Variants in HS3ST4 observed in about 807,000 individuals in gnomAD.
HS3ST4 encodes the protein heparan sulfate glucosamine 3-O-sulfotransferase 4.
Under a neutral mutation model 29.2 loss-of-function variants are expected in HS3ST4, and 17 were observed. The ratio of observed to expected loss-of-function variants is 0.58; its 90% CI spans 0.40 to 0.87. The LOEUF (loss-of-function observed/expected upper bound fraction) is 0.87, where lower values mean the gene tolerates loss of function less well. Among genes scored for constraint, HS3ST4 ranks in the 40% least tolerant of loss-of-function variants. HS3ST4 has a pLI of 0.00. For missense variants in HS3ST4, 627 were observed against 634.5 expected, an observed-to-expected ratio of 0.99 and a Z score of 0.13; for synonymous variants, 314 against 285.7, an observed-to-expected ratio of 1.10 and a Z score of -1.00.
intron 1 of HS3ST4, among the ~76,000 whole-genome samples, chr16:25,997,918 A>G (rs1342321976): frequency 2.6e-5 from 4 of 152,270 alleles, no homozygotes; most frequent in Admixed American, 2.0e-4. Flanking sequence ...GTCTTCCTCC[A>G]GATATCTTTT....
rs187782516 is a variant in HS3ST4, at chr16:25,711,222, C to T, written c.734+18071C>T. Among the ~76,000 whole-genome samples, 225 of 152,190 alleles carry T rather than the reference C, an allele frequency of 1.5e-3. 3 individuals are homozygous for T. Among genetic ancestry groups the T allele is most frequent in the Non-Finnish European group, 1.6e-3 (108 of 68,000 alleles). ...GTCGTTTGGTTTAAAGGTCTCAGCACGTTGGGTAACTTCAGAGAGAGGTAC... is the reference window on the plus strand; with the variant it reads ...GTCGTTTGGTTTAAAGGTCTCAGCATGTTGGGTAACTTCAGAGAGAGGTAC... On this transcript the variant is annotated intron_variant, in intron 1 of 1. Coordinates refer to ENST00000331351, the MANE Select transcript of HS3ST4 (RefSeq NM_006040.3).
intron 1 of HS3ST4, among the ~76,000 whole-genome samples, chr16:26,110,111 T>C (rs1899109463): frequency 6.6e-6 from 1 of 152,186 alleles, no homozygotes; most frequent in Non-Finnish European, 1.5e-5. Flanking sequence ...AATTCAGTTT[T>C]TTTTAGATTC....
chr16:25,900,348 CA>C (rs1378965314), intron 1 of HS3ST4, among the ~76,000 whole-genome samples: 6 of 150,484 alleles, frequency 4.0e-5, no homozygotes, highest in African/African-American at 1.5e-4. Flanking sequence ...GGAGGATTTG[CA>C]AAAAATGCTT....
intron 1 of HS3ST4, among the ~76,000 whole-genome samples, chr16:26,076,915 T>C (rs56295969): frequency 0.025 from 3,767 of 152,330 alleles, 85 homozygotes; most frequent in Non-Finnish European, 0.035. Context: ...AGTCTTGACA[T>C]TACTATTCTG....
chr16:25,788,264 A>G (rs1476607856), intron 1 of HS3ST4, among the ~76,000 whole-genome samples: 1 of 151,984 alleles, frequency 6.6e-6, no homozygotes, highest in Non-Finnish European at 1.5e-5. Context: ...AATACAAAAA[A>G]AATAGCTGTG....
chr16:26,080,416 G>A (rs1898711693), intron 1 of HS3ST4, among the ~76,000 whole-genome samples: 1 of 152,084 alleles, frequency 6.6e-6, no homozygotes, highest in African/African-American at 2.4e-5. Context: ...AAGTTTTAGG[G>A]ACCTGACTTA....
intron 1 of HS3ST4, among the ~76,000 whole-genome samples, chr16:26,058,973 C>T (rs540748322): frequency 2.0e-5 from 3 of 152,248 alleles, no homozygotes; most frequent in African/African-American, 7.2e-5. Context: ...AAGGTGGGTT[C>T]TGGCTTTGAA....
intron 1 of HS3ST4, among the ~76,000 whole-genome samples, chr16:26,081,287 CAAA>C (rs11305983): frequency 2.3e-5 from 3 of 131,054 alleles, no homozygotes; most frequent in Non-Finnish European, 3.3e-5. Context: ...AATCCTGTCT[CAAA>C]AAAAAAAAAA....
chr16:26,062,956 A>G, intron 1 of HS3ST4: 1 of 200,870 alleles, frequency 5.0e-6, no homozygotes, highest in Admixed American at 4.7e-5. Flanking sequence ...TTTAGAGCCC[A>G]ATCCAACAGC....
intron 1 of HS3ST4, among the ~76,000 whole-genome samples, chr16:26,119,104 A>C (rs1197847100): frequency 1.3e-5 from 2 of 152,252 alleles, no homozygotes; most frequent in African/African-American, 4.8e-5. Context: ...GAGGTTAAGT[A>C]ATGTCCCAGA....
Position 25,779,602 on chromosome 16 carries a change from G to A in HS3ST4, c.734+86451G>A, listed in dbSNP as rs181138962. ...CTAACCTCAAAAGTGTCCCTTGTAG[G>A]AGAAAACATTTCCTGTGCTAAAGAC... is the stretch of plus-strand genomic sequence containing the variant. On this transcript the variant is annotated intron_variant, in intron 1 of 1. Transcript: ENST00000331351. Among the ~76,000 whole-genome samples the A allele has an allele frequency of 1.4e-3, 215 of 152,270 alleles. 2 individuals are homozygous for A. Among genetic ancestry groups the A allele is most frequent in the Non-Finnish European group, 2.0e-3 (135 of 68,024 alleles).
chr16:26,001,863 G>T (rs540080133), intron 1 of HS3ST4, among the ~76,000 whole-genome samples: 4 of 152,068 alleles, frequency 2.6e-5, no homozygotes, highest in Non-Finnish European at 5.9e-5. Flanking sequence ...AATATTTAGG[G>T]GGGTATTGCA....
At chr16:25,714,844 T>G (rs1443922457) in intron 1 of HS3ST4, among the ~76,000 whole-genome samples, 1 of 152,224 alleles carries the variant, frequency 6.6e-6, no homozygotes, top group Non-Finnish European at 1.5e-5. Context: ...GTTTCCATCC[T>G]TTTACAAACA....
At position 25,761,235 on chromosome 16, in the gene HS3ST4, G is replaced by T. The variant is rs1030710727; in HGVS notation, c.734+68084G>T. Among the ~76,000 whole-genome samples the T allele has an allele frequency of 2.5e-4, 38 of 152,138 alleles. 2 individuals are homozygous for T. The highest frequency in any genetic ancestry group is 8.8e-5 in the Non-Finnish European group (6 of 68,032). ...GTCCATCACCATGCATCATTACACA[G>T]CTGCCATCCAATTCACGGGGCTCTG... On this transcript the variant is annotated intron_variant, in intron 1 of 1. Coordinates refer to ENST00000331351, the MANE Select transcript of HS3ST4 (RefSeq NM_006040.3).
chr16:25,767,646 A>C (rs945644130), intron 1 of HS3ST4, among the ~76,000 whole-genome samples: 3 of 152,150 alleles, frequency 2.0e-5, no homozygotes. Context: ...AGAGGCTGAG[A>C]GTTTTTGGTC....
chr16:25,922,185 G>A (rs1968360979), intron 1 of HS3ST4, among the ~76,000 whole-genome samples: 1 of 152,120 alleles, frequency 6.6e-6, no homozygotes, highest in African/African-American at 2.4e-5. Context: ...GCTATGGTCT[G>A]AAAATTGTAT....
At chr16:26,130,229 A>G (rs1899399735) in intron 1 of HS3ST4, among the ~76,000 whole-genome samples, 1 of 152,180 alleles carries the variant, frequency 6.6e-6, no homozygotes, top group Admixed American at 6.5e-5. Context: ...CGCCCAAGAT[A>G]CTGTTAACGA....
chr16:25,706,325 G>A (rs367775861), intron 1 of HS3ST4, among the ~76,000 whole-genome samples: 13 of 152,066 alleles, frequency 8.5e-5, no homozygotes, highest in African/African-American at 3.1e-4. Flanking sequence ...TCCCAGGTTG[G>A]TGTATTAACT....
chr16:25,786,417 A>C (rs564271859), intron 1 of HS3ST4, among the ~76,000 whole-genome samples: 1 of 152,334 alleles, frequency 6.6e-6, no homozygotes, highest in South Asian at 2.1e-4. Context: ...AAAAATGGGC[A>C]TGCAACATTT....
Sources: allele counts gnomAD v4.1 joint callset (sites outside exome capture counted in the v4.1 genomes callset), GRCh38; gene constraint gnomAD v4.1.1; transcripts MANE v1.5; gene names NCBI Gene and HGNC (gene_info 2026-07-23, HGNC 2026-07-21).